CES5A: variants seen among roughly 807,000 people sequenced by gnomAD.
The protein encoded by CES5A is carboxylesterase 5A, also known as carboxylesterase 5.
In CES5A, 67 loss-of-function variants were observed where a neutral mutation model predicts 62.9. The ratio of observed to expected loss-of-function variants is 1.07; its 90% CI spans 0.88 to 1.31. The LOEUF is 1.31. Among genes scored for constraint, CES5A ranks in the 50% most tolerant of loss-of-function variants. The pLI is 0.00. For synonymous variants in CES5A, 296 were observed against 280.8 expected, an observed-to-expected ratio of 1.05 and a Z score of -0.54; for missense variants, 748 against 708.5, an observed-to-expected ratio of 1.06 and a Z score of -0.63.
chr16:55,861,850 T>G (rs1381672212), intron 6 of CES5A, among the ~76,000 whole-genome samples: 1 of 152,176 alleles, frequency 6.6e-6, no homozygotes, highest in African/African-American at 2.4e-5. Flanking sequence ...ATTGGTATTT[T>G]GCCCCTCTGG....
intron 9 of CES5A, among the ~76,000 whole-genome samples, chr16:55,856,033 C>G (rs1284492905): frequency 6.6e-6 from 1 of 152,166 alleles, no homozygotes; most frequent in Non-Finnish European, 1.5e-5. Context: ...CTTCCTCCTG[C>G]TCTGGCCATG....
At chr16:55,943,369 T>G (rs2034464210) in intron 2 of CES5A, among the ~76,000 whole-genome samples, 1 of 152,148 alleles carries the variant, frequency 6.6e-6, no homozygotes, top group South Asian at 2.1e-4. Flanking sequence ...AGAGCAAGCT[T>G]TTGCCAGAGC....
chr16:55,905,455 C>T (rs1312888784), intron 1 of CES5A, among the ~76,000 whole-genome samples: 7 of 152,024 alleles, frequency 4.6e-5, no homozygotes, highest in Admixed American at 6.5e-5. Flanking sequence ...CAACCTCCGC[C>T]CCCCAAGTTC....
At chr16:55,872,125 T>C (rs1225293604) in intron 2 of CES5A, among the ~76,000 whole-genome samples, 1 of 152,086 alleles carries the variant, frequency 6.6e-6, no homozygotes, top group African/African-American at 2.4e-5. Flanking sequence ...GGGCAGGACA[T>C]AGTCGAATAA....
chr16:55,928,116 G>T (rs2034276738), upstream of CES5A, among the ~76,000 whole-genome samples: 1 of 152,080 alleles, frequency 6.6e-6, no homozygotes, highest in Non-Finnish European at 1.5e-5. Flanking sequence ...GGTGGCAGGT[G>T]CCTATAGTCC....
At chr16:55,863,546 C>T in intron 5 of CES5A, 94 bp from the exon 6 acceptor site, 1 of 751,734 alleles carries the variant, frequency 1.3e-6, no homozygotes, top group South Asian at 1.5e-5. Flanking sequence ...CAGGAAGCCT[C>T]CTTAAAAGCT....
intron 2 of CES5A, among the ~76,000 whole-genome samples, chr16:55,872,530 C>T (rs2033612955): frequency 6.6e-6 from 1 of 152,198 alleles, no homozygotes; most frequent in Admixed American, 6.5e-5. Context: ...CTCTGTACCT[C>T]AGAGCACCAG....
intron 1 of CES5A, among the ~76,000 whole-genome samples, chr16:55,914,116 T>G (rs926794361): frequency 6.6e-6 from 1 of 152,204 alleles, no homozygotes; most frequent in Admixed American, 6.5e-5. Context: ...TATAAGTATG[T>G]CTCCAGTATT....
chr16:55,897,690 C>T (rs988426672), intron 1 of CES5A, among the ~76,000 whole-genome samples: 20 of 152,304 alleles, frequency 1.3e-4, no homozygotes, highest in African/African-American at 4.1e-4. Context: ...TTTCATGTTT[C>T]CATTTTCCTT....
At chr16:55,901,096 G>A (rs890723986) in intron 1 of CES5A, among the ~76,000 whole-genome samples, 2 of 152,084 alleles carry the variant, frequency 1.3e-5, no homozygotes, top group Admixed American at 1.3e-4. Context: ...GAGGGGCCTG[G>A]GGGAAGGCAA....
At chr16:55,883,381 C>T (rs910404130) in intron 1 of CES5A, among the ~76,000 whole-genome samples, 14 of 152,182 alleles carry the variant, frequency 9.2e-5, no homozygotes, top group Admixed American at 3.3e-4. Flanking sequence ...AAGTGATTCT[C>T]CTGCCTCAGC....
At chr16:55,871,919 A>G (rs1313060888) in intron 2 of CES5A, 156 bp from the exon 3 acceptor site, 4 of 674,178 alleles carry the variant, frequency 5.9e-6, no homozygotes, top group Non-Finnish European at 9.9e-6. Flanking sequence ...CCAAACCCCC[A>G]TGGTTTCCAA....
At chr16:55,952,673 A>T (rs2034570759) in intron 1 of CES5A, among the ~76,000 whole-genome samples, 1 of 152,146 alleles carries the variant, frequency 6.6e-6, no homozygotes, top group Admixed American at 6.5e-5. Context: ...TTCCTGGGAA[A>T]CAATAAATCA....
intron 1 of CES5A, among the ~76,000 whole-genome samples, chr16:55,892,894 C>T (rs1160493116): frequency 6.6e-6 from 1 of 151,902 alleles, no homozygotes; most frequent in Non-Finnish European, 1.5e-5. Context: ...GAGAAGTTGC[C>T]AAGTTAAGGT....
At chr16:55,908,058 C>T (rs981257639) in intron 1 of CES5A, among the ~76,000 whole-genome samples, 8 of 152,162 alleles carry the variant, frequency 5.3e-5, no homozygotes, top group Non-Finnish European at 8.8e-5. Flanking sequence ...CTCTGACTTA[C>T]TATTCTCTTG....
At chr16:55,857,291 G>T (rs1184254708) in intron 8 of CES5A, among the ~76,000 whole-genome samples, 1 of 152,204 alleles carries the variant, frequency 6.6e-6, no homozygotes, top group Non-Finnish European at 1.5e-5. Context: ...TGAGCGAGTT[G>T]ATATTTGTAA....
At chr16:55,901,526 C>G (rs1405965161) in intron 1 of CES5A, among the ~76,000 whole-genome samples, 2 of 152,204 alleles carry the variant, frequency 1.3e-5, no homozygotes, top group African/African-American at 4.8e-5. Flanking sequence ...CCCAACCATA[C>G]AGTTTGGGAA....
chr16:55,928,242 CAAA>C (rs200549243), upstream of CES5A, among the ~76,000 whole-genome samples: 5 of 139,950 alleles, frequency 3.6e-5, no homozygotes, highest in Non-Finnish European at 6.3e-5. Context: ...GACTCTGTCT[CAAA>C]AAAAAAAAAT....
chr16:55,901,182 T>C (rs1485187402), intron 1 of CES5A, among the ~76,000 whole-genome samples: 1 of 152,196 alleles, frequency 6.6e-6, no homozygotes, highest in Non-Finnish European at 1.5e-5. Context: ...GATGGTTTTA[T>C]AAAGGGGAGT....
Sources: gnomAD v4.1 joint callset for allele counts (sites outside exome capture counted in the v4.1 genomes callset) on GRCh38, gnomAD v4.1.1 for gene constraint, MANE v1.5 for transcripts, NCBI Gene and HGNC (gene_info 2026-07-23, HGNC 2026-07-21) for gene names.